CILK1: variants seen among roughly 807,000 people sequenced by gnomAD.
The protein encoded by CILK1 is ciliogenesis associated kinase 1, also known as serine/threonine-protein kinase ICK.
Under a neutral mutation model 79.2 loss-of-function variants are expected in CILK1, and 47 were observed. The observed-to-expected ratio is 0.59, with a 90% CI of 0.47 to 0.76. The LOEUF (loss-of-function observed/expected upper bound fraction) is 0.76, where lower values mean the gene tolerates loss of function less well. Ranked by LOEUF, CILK1 falls within the 30% of genes least tolerant of loss-of-function variation. CILK1 has a pLI of 0.00. For missense variants in CILK1, 660 were observed against 769.5 expected (o/e 0.86, Z 1.68); for synonymous variants, 266 against 275.9 (o/e 0.96, Z 0.36).
chr6:53,048,085 C>T (rs753679107), intron 1 of CILK1, among the ~76,000 whole-genome samples: 6 of 152,014 alleles, frequency 3.9e-5, no homozygotes, highest in South Asian at 4.1e-4. Context: ...TAGAACACAA[C>T]GTGAAAGGTG....
intron 5 of CILK1, among the ~76,000 whole-genome samples, chr6:53,019,720 G>A (rs947440045): frequency 2.0e-5 from 3 of 152,156 alleles, no homozygotes; most frequent in African/African-American, 7.2e-5. Context: ...AGGTTGGAGT[G>A]CAGTGGCACA....
Position 53,004,441 on chromosome 6 carries a change from A to C in CILK1, c.*708T>G, listed in dbSNP as rs374261635. On this transcript the variant is annotated 3_prime_UTR_variant, in exon 14 of 14. Coordinates refer to ENST00000676107, the MANE Select transcript of CILK1 (RefSeq NM_014920.5). ...ATAATTAAGCTTGGTTTCATCTGAG[A>C]TCTGCAACCACATTAAAGGGTGTCA... The C allele has an allele frequency of 6.6e-5, 10 of 152,352 alleles. 1 individual carries two copies. Among genetic ancestry groups the C allele is most frequent in the African/African-American group, 2.4e-4 (10 of 41,572 alleles). The allele number at this position is 152,352 out of a possible 1,614,324, so 9.4% of individuals were successfully genotyped here. A position where few individuals can be genotyped will look rare whatever the true frequency, so the allele number is the denominator to read the frequency against.
intron 5 of CILK1, among the ~76,000 whole-genome samples, chr6:53,021,337 G>C (rs1215732257): frequency 6.6e-6 from 1 of 151,632 alleles, no homozygotes; most frequent in Non-Finnish European, 1.5e-5. Context: ...AGCGGCGCGG[G>C]GGGGTTGGGG....
At chr6:53,053,766 C>T (rs187669915) in intron 1 of CILK1, among the ~76,000 whole-genome samples, 23 of 152,266 alleles carry the variant, frequency 1.5e-4, no homozygotes, top group African/African-American at 5.1e-4. Flanking sequence ...CAAATATCAG[C>T]GAATCCTCTG....
chr6:53,051,442 C>T (rs1050541028), intron 1 of CILK1, among the ~76,000 whole-genome samples: 3 of 152,194 alleles, frequency 2.0e-5, no homozygotes, highest in Non-Finnish European at 4.4e-5. Context: ...CTGGCACTTC[C>T]TCCAGAGGCT....
Position 53,013,755 on chromosome 6 carries a change from T to G in CILK1, c.1059A>C (p.Ala353=), listed in dbSNP as rs1249266331. ...TTGGGTGATCTGTCCTGGAGACCTC[T>G]GCTTTGTAGGGGTACGTGAGATGCA... ...PPLHLTYPYK[A]EVSRTDHPSH... The change falls in exon 9 of 14, where the codon GCA becomes GCC. Residue 353 remains alanine, a synonymous_variant. Coordinates refer to ENST00000676107, the MANE Select transcript of CILK1 (RefSeq NM_014920.5). 1 of 1,614,146 alleles carries G rather than the reference T, an allele frequency of 6.2e-7. No individual in the cohort carries two copies. The highest frequency in any genetic ancestry group is 1.1e-5 in the South Asian group (1 of 91,074).
chr6:53,040,529 C>G (rs1388382921), intron 2 of CILK1, among the ~76,000 whole-genome samples: 3 of 152,206 alleles, frequency 2.0e-5, no homozygotes, highest in African/African-American at 7.2e-5. Context: ...CTTCCCCAGT[C>G]CAATCTTTGG....
chr6:53,008,692 A>G (rs1764385290), intron 12 of CILK1, among the ~76,000 whole-genome samples: 1 of 152,158 alleles, frequency 6.6e-6, no homozygotes, highest in Non-Finnish European at 1.5e-5. Flanking sequence ...TCAGCCTCCC[A>G]AAGTGCTGGG....
chr6:53,033,249 C>A (rs1426113706), intron 3 of CILK1, among the ~76,000 whole-genome samples: 4 of 152,108 alleles, frequency 2.6e-5, no homozygotes, highest in African/African-American at 9.7e-5. Flanking sequence ...CAAGAGAAAT[C>A]CCTCTGTTTC....
intron 12 of CILK1, among the ~76,000 whole-genome samples, chr6:53,006,698 A>G (rs910460123): frequency 6.6e-6 from 1 of 152,240 alleles, no homozygotes; most frequent in Non-Finnish European, 1.5e-5. Flanking sequence ...TTTTTAAAAA[A>G]GGGAAATATG....
At position 53,020,496 on chromosome 6, in the gene CILK1, C is replaced by T. The variant is rs377670324; in HGVS notation, c.359-1137G>A. On this transcript the variant is annotated intron_variant, in intron 5 of 13. Coordinates refer to ENST00000676107, the MANE Select transcript of CILK1 (RefSeq NM_014920.5). ...CTCTGAAAATTCAAAATCTGAGATGCTCCAAAACCTGAAACTTTTTGAGCA... is the reference window on the plus strand; with the variant it reads ...CTCTGAAAATTCAAAATCTGAGATGTTCCAAAACCTGAAACTTTTTGAGCA... Among the ~76,000 whole-genome samples the T allele has an allele frequency of 8.5e-5, 13 of 152,332 alleles. No individual in the cohort carries two copies. The East Asian group carries it at 1.7e-3, about 20-fold the overall frequency.
chr6:53,049,497 A>G (rs771552320), intron 1 of CILK1, among the ~76,000 whole-genome samples: 4 of 152,234 alleles, frequency 2.6e-5, no homozygotes, highest in Non-Finnish European at 5.9e-5. Context: ...GGCCCTCAGT[A>G]TCACTCCAGG....
intron 8 of CILK1, among the ~76,000 whole-genome samples, chr6:53,015,197 T>G (rs1168691194): frequency 1.3e-5 from 2 of 152,244 alleles, no homozygotes; most frequent in Non-Finnish European, 2.9e-5. Context: ...TGATTAGAAT[T>G]GGTCACTTAT....
intron 12 of CILK1, among the ~76,000 whole-genome samples, chr6:53,008,339 G>A (rs1292443782): frequency 6.6e-6 from 1 of 151,752 alleles, no homozygotes; most frequent in African/African-American, 2.4e-5. Context: ...ATAAACACTC[G>A]ATCAGGCTGG....
At chr6:53,028,584 T>G (rs1232599272) in intron 5 of CILK1, among the ~76,000 whole-genome samples, 1 of 152,226 alleles carries the variant, frequency 6.6e-6, no homozygotes, top group Admixed American at 6.5e-5. Flanking sequence ...GATAAAATGT[T>G]AAGCTCAAAC....
intron 1 of CILK1, among the ~76,000 whole-genome samples, chr6:53,046,459 T>C (rs1408324017): frequency 1.3e-5 from 2 of 152,194 alleles, no homozygotes; most frequent in Non-Finnish European, 2.9e-5. Context: ...AAGAGCTTCA[T>C]TGAAATCCAG....
chr6:53,007,250 T>C (rs1035736544), intron 12 of CILK1, among the ~76,000 whole-genome samples: 2 of 152,236 alleles, frequency 1.3e-5, no homozygotes, highest in African/African-American at 4.8e-5. Flanking sequence ...CACAGAGCTT[T>C]TTCAGCAATT....
chr6:53,050,000 T>C (rs554582627), intron 1 of CILK1, among the ~76,000 whole-genome samples: 34 of 152,248 alleles, frequency 2.2e-4, no homozygotes, highest in African/African-American at 8.2e-4. Context: ...GGGTTACAGG[T>C]GGGAGCCCCT....
chr6:53,007,162 A>G (rs893925494), intron 12 of CILK1, among the ~76,000 whole-genome samples: 14 of 152,214 alleles, frequency 9.2e-5, no homozygotes, highest in African/African-American at 3.4e-4. Flanking sequence ...GAAGACTGTT[A>G]TTATTGCCCG....
Sources: allele counts gnomAD v4.1 joint callset (sites outside exome capture counted in the v4.1 genomes callset), GRCh38; gene constraint gnomAD v4.1.1; transcripts MANE v1.5; gene names NCBI Gene and HGNC (gene_info 2026-07-23, HGNC 2026-07-21).